Variants in BBS9 observed in about 807,000 individuals in gnomAD.
BBS9 encodes protein PTHB1.
A neutral mutation model predicts 117.7 loss-of-function variants in BBS9; 89 were observed. The ratio of observed to expected loss-of-function variants is 0.76; its 90% CI spans 0.64 to 0.90. The LOEUF is 0.90. BBS9 is among the 40% of genes least tolerant of loss of function. BBS9 has a pLI of 0.00. For missense variants in BBS9, 982 were observed against 1,042.2 expected, an observed-to-expected ratio of 0.94 and a Z score of 0.80; for synonymous variants, 379 against 370.9, an observed-to-expected ratio of 1.02 and a Z score of -0.25.
At chr7:33,370,016 C>CATG (rs1378912936) in intron 17 of BBS9, among the ~76,000 whole-genome samples, 1 of 152,126 alleles carries the variant, frequency 6.6e-6, no homozygotes, top group Non-Finnish European at 1.5e-5. Context: ...TCAACCAAGC[C>CATG]TTCATGTATG....
chr7:33,327,417 A>G (rs1382899372), intron 9 of BBS9, among the ~76,000 whole-genome samples: 1 of 152,164 alleles, frequency 6.6e-6, no homozygotes, highest in Non-Finnish European at 1.5e-5. Flanking sequence ...GGTGTTTGTT[A>G]GGCTTGGTGT....
chr7:33,497,429 T>C (rs939868321), intron 19 of BBS9, among the ~76,000 whole-genome samples: 2 of 152,190 alleles, frequency 1.3e-5, no homozygotes, highest in Non-Finnish European at 2.9e-5. Flanking sequence ...TGTGGGCATG[T>C]TGGGGTCTTA....
intron 5 of BBS9, among the ~76,000 whole-genome samples, chr7:33,231,370 A>G (rs1383946445): frequency 1.4e-5 from 2 of 143,638 alleles, no homozygotes; most frequent in Non-Finnish European, 3.1e-5. Flanking sequence ...CTGTTGGTAG[A>G]CTGTATTAAT....
At chr7:33,169,041 G>C (rs200835984) in intron 4 of BBS9, among the ~76,000 whole-genome samples, 1 of 151,032 alleles carries the variant, frequency 6.6e-6, no homozygotes, top group African/African-American at 2.4e-5. Context: ...ATTCCCACCT[G>C]TGAGTGAGAA....
At chr7:33,449,034 A>G (rs1460341802) in intron 19 of BBS9, among the ~76,000 whole-genome samples, 1 of 152,246 alleles carries the variant, frequency 6.6e-6, no homozygotes, top group African/African-American at 2.4e-5. Flanking sequence ...GCTGGCTGAG[A>G]AGAATGCCAG....
chr7:33,592,142 T>C (rs1042185205), intron 21 of BBS9, among the ~76,000 whole-genome samples: 1 of 152,090 alleles, frequency 6.6e-6, no homozygotes, highest in Non-Finnish European at 1.5e-5. Context: ...AAATTTATGC[T>C]GTATTCATGG....
chr7:33,411,011 G>GTTTTTTTTTTTT (rs765425062), intron 19 of BBS9, among the ~76,000 whole-genome samples: 4 of 96,424 alleles, frequency 4.1e-5, no homozygotes, highest in African/African-American at 1.0e-4. Flanking sequence ...AAATGTTGGT[G>GTTTTTTTTTTTT]TTTTTTTTTT....
intron 19 of BBS9, among the ~76,000 whole-genome samples, chr7:33,437,628 C>T (rs932467587): frequency 4.6e-5 from 7 of 152,134 alleles, no homozygotes; most frequent in African/African-American, 1.7e-4. Context: ...AATCCCAGCA[C>T]TTTGGGATGC....
chr7:33,153,713 A>T (rs1204696254), intron 3 of BBS9, among the ~76,000 whole-genome samples: 2 of 152,112 alleles, frequency 1.3e-5, no homozygotes, highest in Admixed American at 6.6e-5. Flanking sequence ...TCTTCTAGTG[A>T]TATGTTTTAT....
intron 21 of BBS9, among the ~76,000 whole-genome samples, chr7:33,602,001 C>T (rs1342862918): frequency 1.3e-5 from 2 of 152,188 alleles, no homozygotes; most frequent in Admixed American, 1.3e-4. Flanking sequence ...TATACAACTA[C>T]TCCCAGTATC....
At chr7:33,430,435 G>A (rs1216281898) in intron 19 of BBS9, among the ~76,000 whole-genome samples, 1 of 152,120 alleles carries the variant, frequency 6.6e-6, no homozygotes, top group Non-Finnish European at 1.5e-5. Context: ...TGTATCCCTA[G>A]CATCTAGAAA....
intron 9 of BBS9, among the ~76,000 whole-genome samples, chr7:33,278,916 G>A (rs1430523407): frequency 1.3e-5 from 2 of 152,196 alleles, no homozygotes; most frequent in African/African-American, 4.8e-5. Flanking sequence ...CATTGCAGTC[G>A]AGAGAGCATT....
chr7:33,233,934 A>C (rs1337647380), intron 5 of BBS9, among the ~76,000 whole-genome samples: 1 of 152,134 alleles, frequency 6.6e-6, no homozygotes, highest in East Asian at 1.9e-4. Flanking sequence ...GAAATATTAA[A>C]TTGAAAAATC....
intron 9 of BBS9, among the ~76,000 whole-genome samples, chr7:33,280,925 T>TTTTTTTTTTTTTA: frequency 6.8e-6 from 1 of 147,898 alleles, no homozygotes; most frequent in Admixed American, 6.7e-5. Flanking sequence ...TTTTTTTTTT[T>TTTTTTTTTTTTTA]TTTTTGCATT....
At chr7:33,479,419 T>A (rs1340003461) in intron 19 of BBS9, among the ~76,000 whole-genome samples, 1 of 152,234 alleles carries the variant, frequency 6.6e-6, no homozygotes, top group Non-Finnish European at 1.5e-5. Flanking sequence ...GCTACATCCA[T>A]GTTGCTGCCA....
intron 19 of BBS9, among the ~76,000 whole-genome samples, chr7:33,435,972 AG>A (rs1835251510): frequency 6.6e-6 from 1 of 152,060 alleles, no homozygotes; most frequent in Non-Finnish European, 1.5e-5. Flanking sequence ...TACTTGGGGG[AG>A]GTGGCTTTGG....
chr7:33,589,817 A>C (rs559231809), intron 21 of BBS9, among the ~76,000 whole-genome samples: 1 of 152,224 alleles, frequency 6.6e-6, no homozygotes, highest in South Asian at 2.1e-4. Context: ...TGAAGTTACA[A>C]AATTAGGAGT....
chr7:33,407,633 T>C (rs1451707184), intron 19 of BBS9, among the ~76,000 whole-genome samples: 1 of 152,220 alleles, frequency 6.6e-6, no homozygotes, highest in East Asian at 1.9e-4. Context: ...CCTTTCTGTT[T>C]GTTTGTTTTC....
At chr7:33,360,211 T>A (rs530670249) in intron 16 of BBS9, among the ~76,000 whole-genome samples, 2 of 152,222 alleles carry the variant, frequency 1.3e-5, no homozygotes, top group East Asian at 3.9e-4. Flanking sequence ...GTTGTAACAA[T>A]ACTTCTTCAA....
Sources: gnomAD v4.1 joint callset for allele counts (sites outside exome capture counted in the v4.1 genomes callset) on GRCh38, gnomAD v4.1.1 for gene constraint, MANE v1.5 for transcripts, NCBI Gene and HGNC (gene_info 2026-07-23, HGNC 2026-07-21) for gene names.